ZNF326: variants seen among roughly 807,000 people sequenced by gnomAD.
The protein encoded by ZNF326 is DBIRD complex subunit ZNF326.
Under a neutral mutation model 63.1 loss-of-function variants are expected in ZNF326, and 30 were observed. The ratio of observed to expected loss-of-function variants is 0.48; its 90% CI spans 0.36 to 0.64. The LOEUF (loss-of-function observed/expected upper bound fraction) is 0.64, where lower values mean the gene tolerates loss of function less well. Among genes scored for constraint, ZNF326 ranks in the 30% least tolerant of loss-of-function variants. The pLI is 0.00. For missense variants in ZNF326, 609 were observed against 720.3 expected (o/e 0.85, Z 1.77); for synonymous variants, 194 against 228.2 (o/e 0.85, Z 1.35).
intron 5 of ZNF326, among the ~76,000 whole-genome samples, chr1:90,008,013 T>TG (rs1649069290): frequency 6.6e-6 from 1 of 152,212 alleles, no homozygotes; most frequent in African/African-American, 2.4e-5. Context: ...CTAAAAGGGG[T>TG]TAAAAGGAGT....
At chr1:90,023,072 T>C (rs1405418446) in intron 11 of ZNF326, among the ~76,000 whole-genome samples, 1 of 152,228 alleles carries the variant, frequency 6.6e-6, no homozygotes, top group East Asian at 1.9e-4. Flanking sequence ...CCATATGTTA[T>C]GGCTTGAATC....
rs1649809322 is a variant in ZNF326, at chr1:90,022,322, G to A, written c.1378G>A (p.Ala460Thr). 1 of 1,612,780 alleles carries A rather than the reference G, an allele frequency of 6.2e-7. No individual in the cohort carries two copies. Among genetic ancestry groups the A allele is most frequent in the East Asian group, 2.2e-5 (1 of 44,776 alleles). ...CATTTTAAATAATCCAATAGTGAAG[G>A]CGCGATATGAACGTTTTGTTAAGGT... Reference protein sequence around the residue: ...TSILNNPIVKARYERFVKGEN... With the variant: ...TSILNNPIVKTRYERFVKGEN... The change falls in exon 11 of 12, where the codon GCG (alanine) becomes ACG (threonine). Residue 460 changes from alanine (A) to threonine (T), a missense_variant. Ala to Thr is a moderately conservative substitution (Grantham distance 58). Around this residue, in one of 3 missense-constraint regions of ZNF326, gnomAD observed 399 missense variants for 444.3 expected, o/e 0.90. Coordinates refer to ENST00000340281, the MANE Select transcript of ZNF326 (RefSeq NM_182976.4).
rs1238839931 is a variant in ZNF326, at chr1:90,007,671, C to T, written c.536C>T (p.Ala179Val). The T allele has an allele frequency of 6.6e-7, 1 of 1,524,200 alleles. No homozygotes were observed. Among genetic ancestry groups the T allele is most frequent in the East Asian group, 2.3e-5 (1 of 44,034 alleles). The allele number at this position is 1,524,200 out of a possible 1,614,324, so 94.4% of individuals were successfully genotyped here. A position where few individuals can be genotyped will look rare whatever the true frequency, so the allele number is the denominator to read the frequency against. Residue 179 changes from alanine (A) to valine (V), a missense_variant, in exon 5 of 12, where the codon GCT becomes GTT. Around this residue, in one of 3 missense-constraint regions of ZNF326, gnomAD observed 113 missense variants for 187.4 expected, o/e 0.60. Transcript: ENST00000340281. This position sits in a 1 kb window ranked among gnomAD's most constrained non-coding sequence, Gnocchi z 4.9. Reference sequence around the variant, plus strand: ...GGCTCTCGGGGGAGAGGAACGCCTGCTTATCCTGAAAGTACGTTTGGAAGC... The same window carrying T: ...GGCTCTCGGGGGAGAGGAACGCCTGTTTATCCTGAAAGTACGTTTGGAAGC... ...PVGSRGRGTP[A>V]YPESTFGSRN...
At chr1:90,006,015 G>A in intron 4 of ZNF326, 1 of 985,386 alleles carries the variant, frequency 1.0e-6, no homozygotes, top group Non-Finnish European at 1.2e-6. Context: ...GGTTCCTGCT[G>A]AATATAAGTA....
In ZNF326 at chr1:90,027,728, C is replaced by G; in HGVS notation, c.*27C>G. ...TATAAGGTATTAGATTTAAAAGGAG[C>G]TTTACATTTCGGTTCTAATGTAAAA... On this transcript the variant is annotated 3_prime_UTR_variant, in exon 12 of 12. Transcript: ENST00000340281. The G allele has an allele frequency of 6.2e-7, 1 of 1,604,576 alleles. No individual in the cohort carries two copies. Among genetic ancestry groups the G allele is most frequent in the Non-Finnish European group, 8.5e-7 (1 of 1,173,430 alleles).
At chr1:89,998,584 T>C (rs1049012672) in intron 2 of ZNF326, among the ~76,000 whole-genome samples, 4 of 152,148 alleles carry the variant, frequency 2.6e-5, no homozygotes. Flanking sequence ...TGTGTCCAAA[T>C]GTGTTAGTAT....
At chr1:90,005,459 C>T (rs1298179686) in intron 4 of ZNF326, 4 of 1,282,482 alleles carry the variant, frequency 3.1e-6, no homozygotes, top group Non-Finnish European at 3.9e-6. Context: ...ATAACTATAT[C>T]ATGTCAATAT....
Position 90,027,538 on chromosome 1 carries a change from T to C in ZNF326, c.1586T>C (p.Ile529Thr). Residue 529 changes from isoleucine to threonine, a missense_variant, in exon 12 of 12, where the codon ATA (isoleucine) becomes ACA (threonine). Transcript: ENST00000340281. ...GTAGAGGAAGTGAGAGAAGGAGGAATAGAGGGCGAGGGAAATATACAGGGA... is the reference window on the plus strand; with the variant it reads ...GTAGAGGAAGTGAGAGAAGGAGGAACAGAGGGCGAGGGAAATATACAGGGA... ...EEVEEVREGG[I>T]EGEGNIQGVG... is the part of the protein sequence containing the mutation. 6.3e-7 allele frequency: 1 copy of C among 1,598,992 alleles called. No homozygotes were observed. The highest frequency in any genetic ancestry group is 8.5e-7 in the Non-Finnish European group (1 of 1,174,880).
intron 2 of ZNF326, among the ~76,000 whole-genome samples, chr1:90,001,795 T>A (rs952799614): frequency 1.3e-5 from 2 of 152,112 alleles, no homozygotes; most frequent in East Asian, 3.9e-4. Context: ...TGACCTCAGG[T>A]GATCCACCCG....
chr1:90,002,180 G>T lies in ZNF326; in HGVS notation c.62-2823G>T, dbSNP rs984095591. Among the ~76,000 whole-genome samples the T allele has an allele frequency of 1.8e-4, 27 of 152,068 alleles. 1 individual carries two copies. Among genetic ancestry groups the T allele is most frequent in the African/African-American group, 5.8e-4 (24 of 41,386 alleles). ...CTACACTGATTGTATACAATATAAA[G>T]ACTTTTCCTCCTGTTTAAATGAGTA... On this transcript the variant is annotated intron_variant, in intron 2 of 11. Coordinates refer to ENST00000340281, the MANE Select transcript of ZNF326 (RefSeq NM_182976.4).
intron 5 of ZNF326, among the ~76,000 whole-genome samples, chr1:90,009,835 A>C (rs1475168563): frequency 6.6e-6 from 1 of 152,162 alleles, no homozygotes; most frequent in African/African-American, 2.4e-5. Context: ...GAAATGTAAA[A>C]GTAAAAACAT....
In ZNF326 at chr1:90,000,582, A is replaced by G. The variant is rs114206512; in HGVS notation, c.61+2428A>G. On this transcript the variant is annotated intron_variant, in intron 2 of 11. Coordinates refer to ENST00000340281, the MANE Select transcript of ZNF326 (RefSeq NM_182976.4). The stretch of plus-strand genomic sequence containing the variant: ...TAGCCAGGCGTGGTGGTGCCCCCCT[A>G]TAGTTCCAGTTACTCCAGAGGCTGA... 6.7e-3 allele frequency among the ~76,000 whole-genome samples: 1,021 copies of G among 152,228 alleles called. 11 individuals are homozygous for G. The highest frequency in any genetic ancestry group is 0.023 in the African/African-American group (964 of 41,536).
chr1:90,008,042 A>G (rs371911793), intron 5 of ZNF326, among the ~76,000 whole-genome samples: 2 of 152,220 alleles, frequency 1.3e-5, no homozygotes, highest in Admixed American at 1.3e-4. Context: ...CCTTGTAAAC[A>G]CTAGCAGTTT....
At position 90,027,607 on chromosome 1, in the gene ZNF326, G is replaced by T; in HGVS notation, c.1655G>T (p.Gly552Val). The T allele has an allele frequency of 6.2e-7, 1 of 1,613,020 alleles. No homozygotes were observed. Among genetic ancestry groups the T allele is most frequent in the East Asian group, 2.2e-5 (1 of 44,806 alleles). ...GEVGVVGEVE[G>V]VGEVEEVEEL... is the part of the protein sequence containing the mutation. ...GTAGGGGTAGTGGGAGAAGTAGAGGGAGTGGGGGAAGTAGAGGAAGTAGAG... is the reference window on the plus strand; with the variant it reads ...GTAGGGGTAGTGGGAGAAGTAGAGGTAGTGGGGGAAGTAGAGGAAGTAGAG... The change falls in exon 12 of 12, where the codon GGA becomes GTA. Residue 552 changes from glycine (G) to valine (V), a missense_variant. Around this residue, in one of 3 missense-constraint regions of ZNF326, gnomAD observed 399 missense variants for 444.3 expected, o/e 0.90. Transcript: ENST00000340281.
chr1:90,008,678 A>G (rs1557520459), intron 5 of ZNF326, among the ~76,000 whole-genome samples: 1 of 152,130 alleles, frequency 6.6e-6, no homozygotes, highest in Non-Finnish European at 1.5e-5. Flanking sequence ...TTAATATTTT[A>G]TTTGCAGAGG....
At chr1:90,014,217 T>C (rs550465629) in intron 7 of ZNF326, among the ~76,000 whole-genome samples, 1 of 152,218 alleles carries the variant, frequency 6.6e-6, no homozygotes, top group South Asian at 2.1e-4. Context: ...TTCCCAGGCT[T>C]AAAAGTTATA....
In ZNF326 at chr1:90,033,711, A is replaced by G. The variant is rs1193787513; in HGVS notation, c.*6010A>G. 1 of 152,140 alleles carries G rather than the reference A, an allele frequency of 6.6e-6. No individual in the cohort carries two copies. The highest frequency in any genetic ancestry group is 1.5e-5 in the Non-Finnish European group (1 of 68,012). 9.4% of individuals were successfully genotyped at this position (152,140 alleles called of 1,614,324 possible). On this transcript the variant is annotated 3_prime_UTR_variant, in exon 12 of 12. Coordinates refer to ENST00000340281, the MANE Select transcript of ZNF326 (RefSeq NM_182976.4). ...GATAAAAAAGATGGAAGTTACAGTAAAAGACATAGATGTATCTCTTAAAGA... is the reference window on the plus strand; with the variant it reads ...GATAAAAAAGATGGAAGTTACAGTAGAAGACATAGATGTATCTCTTAAAGA...
Position 90,022,462 on chromosome 1 carries a change from A to G in ZNF326, c.1401+117A>G, listed in dbSNP as rs1225497255. 7.8e-6 allele frequency: 6 copies of G among 771,646 alleles called. No individual in the cohort carries two copies. In the Admixed American group the frequency reaches 1.0e-4, roughly 13 times the overall value. The allele number at this position is 771,646 out of a possible 1,614,324, so 47.8% of individuals were successfully genotyped here. On this transcript the variant is annotated intron_variant, in intron 11 of 11. Transcript: ENST00000340281. ...AGTATAACATATTAAGAAGAATTTT[A>G]CTCAGTATCTTGCATATAGGTAAAA...
chr1:90,016,726 A>G (rs1649520867), intron 7 of ZNF326, among the ~76,000 whole-genome samples: 1 of 151,904 alleles, frequency 6.6e-6, no homozygotes, highest in Admixed American at 6.5e-5. Context: ...CAAAAAAAAA[A>G]AAGAAAAAGA....
Sources: allele counts gnomAD v4.1 joint callset (sites outside exome capture counted in the v4.1 genomes callset), GRCh38; gene constraint gnomAD v4.1.1; regional missense constraint gnomAD v4.1.1; non-coding constraint Gnocchi (gnomAD v3.1); transcripts MANE v1.5; gene names NCBI Gene and HGNC (gene_info 2026-07-23, HGNC 2026-07-21).